Variants in GPC5 observed in about 807,000 individuals in gnomAD.
GPC5 encodes the protein glypican 5.
Under a neutral mutation model 53.9 loss-of-function variants are expected in GPC5, and 47 were observed. The observed-to-expected ratio is 0.87, with a 90% CI of 0.69 to 1.11. The LOEUF (loss-of-function observed/expected upper bound fraction) is 1.11, where lower values mean the gene tolerates loss of function less well. Ranked by LOEUF, GPC5 falls within the 50% of genes most tolerant of loss-of-function variation. The pLI is 0.00. For missense variants in GPC5, 748 were observed against 713.1 expected (o/e 1.05, Z -0.56); for synonymous variants, 286 against 263.3 (o/e 1.09, Z -0.84).
chr13:92,726,454 G>T (rs547353849), intron 7 of GPC5, among the ~76,000 whole-genome samples: 1 of 151,620 alleles, frequency 6.6e-6, no homozygotes, highest in African/African-American at 2.4e-5. Context: ...GTGCAATGGT[G>T]AAAACATAGT....
At chr13:91,576,463 T>C (rs1243617992) in intron 2 of GPC5, among the ~76,000 whole-genome samples, 1 of 151,938 alleles carries the variant, frequency 6.6e-6, no homozygotes, top group Non-Finnish European at 1.5e-5. Context: ...CTAAAACAAC[T>C]TAAAGTAAGT....
At chr13:91,561,098 G>A (rs185883405) in intron 2 of GPC5, among the ~76,000 whole-genome samples, 7 of 152,230 alleles carry the variant, frequency 4.6e-5, no homozygotes, top group East Asian at 1.9e-4. Flanking sequence ...TCCAAATTCC[G>A]AGCTATCAGT....
At chr13:91,436,456 T>C (rs1344383251) in intron 1 of GPC5, among the ~76,000 whole-genome samples, 1 of 152,196 alleles carries the variant, frequency 6.6e-6, no homozygotes, top group Non-Finnish European at 1.5e-5. Context: ...CCAGTAGTCA[T>C]TCAGGAGCAG....
intron 6 of GPC5, among the ~76,000 whole-genome samples, chr13:92,100,381 G>A (rs1287728650): frequency 1.3e-5 from 2 of 152,104 alleles, no homozygotes; most frequent in Non-Finnish European, 2.9e-5. Flanking sequence ...CAGCCTGAGC[G>A]ACAGAGTGAG....
At chr13:91,915,819 A>T (rs1435684140) in intron 6 of GPC5, among the ~76,000 whole-genome samples, 1 of 152,194 alleles carries the variant, frequency 6.6e-6, no homozygotes, top group East Asian at 1.9e-4. Flanking sequence ...TAACTTGTCA[A>T]GAATTATAAA....
chr13:91,635,824 C>A (rs574917715), intron 2 of GPC5, among the ~76,000 whole-genome samples: 1 of 152,034 alleles, frequency 6.6e-6, no homozygotes, highest in Non-Finnish European at 1.5e-5. Context: ...ATTTTTCACT[C>A]CCTTGGGATT....
intron 6 of GPC5, among the ~76,000 whole-genome samples, chr13:92,128,202 G>C (rs1479535975): frequency 6.6e-6 from 1 of 152,016 alleles, no homozygotes; most frequent in South Asian, 2.1e-4. Flanking sequence ...TGGTTCTCAG[G>C]GTTTGTTGTT....
At chr13:92,710,131 T>C (rs573689562) in intron 7 of GPC5, among the ~76,000 whole-genome samples, 6 of 152,300 alleles carry the variant, frequency 3.9e-5, no homozygotes, top group Non-Finnish European at 8.8e-5. Flanking sequence ...ACGTTTTAAT[T>C]GTCATAATAG....
intron 5 of GPC5, among the ~76,000 whole-genome samples, chr13:91,793,483 T>A (rs1222853028): frequency 1.3e-5 from 2 of 152,148 alleles, no homozygotes; most frequent in African/African-American, 4.8e-5. Context: ...CTTTTGTCAG[T>A]CTTTCACATT....
intron 7 of GPC5, among the ~76,000 whole-genome samples, chr13:92,571,738 A>T (rs1883029516): frequency 6.6e-6 from 1 of 152,142 alleles, no homozygotes; most frequent in African/African-American, 2.4e-5. Flanking sequence ...TGGAATATCC[A>T]TTATTTCAAG....
chr13:91,649,422 C>T (rs910813568), intron 2 of GPC5, among the ~76,000 whole-genome samples: 1 of 152,146 alleles, frequency 6.6e-6, no homozygotes, highest in African/African-American at 2.4e-5. Context: ...TGTGAATATA[C>T]AAGCTCTTAT....
chr13:92,303,266 G>A (rs563149120), intron 7 of GPC5, among the ~76,000 whole-genome samples: 2 of 152,228 alleles, frequency 1.3e-5, no homozygotes, highest in Admixed American at 1.3e-4. Flanking sequence ...CTATGCCAGA[G>A]TCTCCGTGGT....
intron 7 of GPC5, among the ~76,000 whole-genome samples, chr13:92,545,193 G>C (rs1198247427): frequency 6.6e-6 from 1 of 152,028 alleles, no homozygotes; most frequent in African/African-American, 2.4e-5. Context: ...CCTCGTGATA[G>C]TTTGCTGAGA....
intron 7 of GPC5, among the ~76,000 whole-genome samples, chr13:92,494,060 T>TGTTTGTTTGTTTGTTTGTTTG (rs11390395): frequency 7.0e-6 from 1 of 143,828 alleles, no homozygotes; most frequent in Non-Finnish European, 1.5e-5. Context: ...TTGTGTTTTT[T>TGTTTGTTTGTTTGTTTGTTTG]TTTGTTTGTT....
rs34073544 is a variant in GPC5, at chr13:92,664,354, ATTT to A, written c.1562-201912_1562-201910del. Among the ~76,000 whole-genome samples, 489 of 144,196 alleles carry A rather than the reference ATTT, an allele frequency of 3.4e-3. 3 individuals are homozygous for A. Among genetic ancestry groups the A allele is most frequent in the South Asian group, 2.4e-3 (11 of 4,626 alleles). 94.6% of individuals were successfully genotyped at this position (144,196 alleles called of 152,430 possible). ...CCCTGCCAGTCACCAAATCCAATAGATTTTTTTTTTTTTTTTTTACTTAATCAA... is the reference window on the plus strand; with the variant it reads ...CCCTGCCAGTCACCAAATCCAATAGATTTTTTTTTTTTTTTACTTAATCAA... On this transcript the variant is annotated intron_variant, in intron 7 of 7. Coordinates refer to ENST00000377067, the MANE Select transcript of GPC5 (RefSeq NM_004466.6).
chr13:92,646,455 T>C (rs1885773228), intron 7 of GPC5, among the ~76,000 whole-genome samples: 1 of 152,146 alleles, frequency 6.6e-6, no homozygotes, highest in Non-Finnish European at 1.5e-5. Flanking sequence ...ACCATATGAA[T>C]CCTCCACGTT....
chr13:91,588,235 A>C (rs890441133), intron 2 of GPC5, among the ~76,000 whole-genome samples: 1 of 152,152 alleles, frequency 6.6e-6, no homozygotes. Flanking sequence ...GCTATGGTAA[A>C]TATTCTTAGG....
chr13:91,993,803 G>A (rs1343609930), intron 6 of GPC5, among the ~76,000 whole-genome samples: 1 of 152,086 alleles, frequency 6.6e-6, no homozygotes, highest in African/African-American at 2.4e-5. Context: ...AGTGTCAGTT[G>A]TAGTGCAGAA....
At chr13:91,410,339 C>CT (rs66787310) in intron 1 of GPC5, among the ~76,000 whole-genome samples, 1,036 of 89,770 alleles carry the variant, frequency 0.012, 27 homozygotes, top group African/African-American at 0.031. Flanking sequence ...CGTTTCCATT[C>CT]TTTTTTTTTT....
Sources: gnomAD v4.1 joint callset for allele counts (sites outside exome capture counted in the v4.1 genomes callset) on GRCh38, gnomAD v4.1.1 for gene constraint, MANE v1.5 for transcripts, NCBI Gene and HGNC (gene_info 2026-07-23, HGNC 2026-07-21) for gene names.